KCNIP1: variants seen among roughly 807,000 people sequenced by gnomAD.
KCNIP1 encodes the protein potassium voltage-gated channel interacting protein 1, also known as A-type potassium channel modulatory protein KCNIP1.
Under a neutral mutation model 33.0 loss-of-function variants are expected in KCNIP1, and 18 were observed. The ratio of observed to expected loss-of-function variants is 0.55; its 90% CI spans 0.38 to 0.81. The LOEUF (loss-of-function observed/expected upper bound fraction) is 0.81, where lower values mean the gene tolerates loss of function less well. KCNIP1 is among the 30% of genes least tolerant of loss of function. The pLI is 0.00. For synonymous variants in KCNIP1, 93 were observed against 98.3 expected (o/e 0.95, Z 0.32); for missense variants, 238 against 271.6 (o/e 0.88, Z 0.87).
intron 1 of KCNIP1, among the ~76,000 whole-genome samples, chr5:170,411,464 G>C (rs1755187502): frequency 1.3e-5 from 2 of 152,196 alleles, no homozygotes; most frequent in Non-Finnish European, 2.9e-5. Flanking sequence ...GAGAGAGATT[G>C]TGTGTGTACA....
At chr5:170,566,158 T>C (rs1217508241) in intron 1 of KCNIP1, among the ~76,000 whole-genome samples, 1 of 151,770 alleles carries the variant, frequency 6.6e-6, no homozygotes, top group Non-Finnish European at 1.5e-5. Context: ...CCTCCCGGGT[T>C]CAAGCGATTC....
chr5:170,405,406 G>T (rs1755009707), intron 1 of KCNIP1, among the ~76,000 whole-genome samples: 1 of 152,156 alleles, frequency 6.6e-6, no homozygotes, highest in Non-Finnish European at 1.5e-5. Flanking sequence ...GTTTCGCCAG[G>T]TTAGCCAGGC....
At chr5:170,684,079 A>T (rs1280996695) in intron 1 of KCNIP1, among the ~76,000 whole-genome samples, 1 of 152,146 alleles carries the variant, frequency 6.6e-6, no homozygotes, top group Non-Finnish European at 1.5e-5. Flanking sequence ...ATAATTTTAG[A>T]ACAGTATACA....
Position 170,504,701 on chromosome 5 carries a change from G to A in KCNIP1, c.61+68G>A. On this transcript the variant is annotated intron_variant, in intron 1 of 7. Coordinates refer to ENST00000328939, the MANE Select transcript of KCNIP1 (RefSeq NM_014592.4). The surrounding 1 kb of genome is among the most constrained non-coding windows in gnomAD (Gnocchi z 6.0). Reference sequence around the variant, plus strand: ...GGTGCTAGGCGCCGAGGTGGGCTGTGCCACCTGCCTCCCTTAGTCCGGACT... The same window carrying A: ...GGTGCTAGGCGCCGAGGTGGGCTGTACCACCTGCCTCCCTTAGTCCGGACT... 1 of 1,287,208 alleles carries A rather than the reference G, an allele frequency of 7.8e-7. No individual in the cohort carries two copies. The highest frequency in any genetic ancestry group is 1.2e-5 in the South Asian group (1 of 84,656). The allele number at this position is 1,287,208 out of a possible 1,614,324, so 79.7% of individuals were successfully genotyped here. A position where few individuals can be genotyped will look rare whatever the true frequency, so the allele number is the denominator to read the frequency against.
intron 1 of KCNIP1, among the ~76,000 whole-genome samples, chr5:170,418,805 T>C (rs961019584): frequency 3.3e-5 from 5 of 152,210 alleles, no homozygotes; most frequent in Non-Finnish European, 5.9e-5. Context: ...CATTTCCAGG[T>C]GTCCCTCAAG....
intron 1 of KCNIP1, among the ~76,000 whole-genome samples, chr5:170,598,904 C>CGCGTGT (rs1412098474): frequency 1.1e-4 from 15 of 133,776 alleles, no homozygotes; most frequent in African/African-American, 4.3e-4. Flanking sequence ...TGTGTGTGCG[C>CGCGTGT]GTGTGTGTGT....
At chr5:170,577,132 C>T (rs1002853731) in intron 1 of KCNIP1, among the ~76,000 whole-genome samples, 8 of 152,154 alleles carry the variant, frequency 5.3e-5, no homozygotes, top group Non-Finnish European at 1.0e-4. Flanking sequence ...AAAGCCCTTC[C>T]GGCTAGCCCA....
chr5:170,504,718 G>A lies in KCNIP1; in HGVS notation c.61+85G>A, dbSNP rs192725047. ...TGGGCTGTGCCACCTGCCTCCCTTA[G>A]TCCGGACTCTCCTCTCCACGAGGAG... On this transcript the variant is annotated intron_variant, in intron 1 of 7. Coordinates refer to ENST00000328939, the MANE Select transcript of KCNIP1 (RefSeq NM_014592.4). This position sits in a 1 kb window ranked among gnomAD's most constrained non-coding sequence, Gnocchi z 6.0. The A allele has an allele frequency of 8.3e-5, 93 of 1,117,838 alleles. No individual in the cohort carries two copies. The East Asian group carries it at 2.1e-3, about 25-fold the overall frequency. 69.2% of individuals were successfully genotyped at this position (1,117,838 alleles called of 1,614,324 possible).
chr5:170,385,199 CCTG>C (rs1171760212), intron 1 of KCNIP1: 25 of 1,156,692 alleles, frequency 2.2e-5, no homozygotes, highest in Non-Finnish European at 2.9e-5. Flanking sequence ...TCGTCTTGAC[CCTG>C]CTGCCTTGAA....
chr5:170,730,797 T>C (rs1419292228), intron 5 of KCNIP1, among the ~76,000 whole-genome samples: 1 of 151,756 alleles, frequency 6.6e-6, no homozygotes, highest in Non-Finnish European at 1.5e-5. Flanking sequence ...AAATACAAGA[T>C]GAGCCTGGAG....
chr5:170,364,967 TG>T (rs1763617609), intron 1 of KCNIP1, among the ~76,000 whole-genome samples: 1 of 152,238 alleles, frequency 6.6e-6, no homozygotes, highest in African/African-American at 2.4e-5. Context: ...GTCTCCTTGC[TG>T]TGCATTACTC....
chr5:170,499,740 G>A (rs1274220094), upstream of KCNIP1, among the ~76,000 whole-genome samples: 1 of 152,180 alleles, frequency 6.6e-6, no homozygotes, highest in East Asian at 1.9e-4. Flanking sequence ...CAAAGAGGAA[G>A]AAAGGAGAGG....
Position 170,370,184 on chromosome 5 carries a change from A to G in KCNIP1, c.88+16220A>G, listed in dbSNP as rs554931468. The stretch of plus-strand genomic sequence containing the variant: ...TTGCTAGTAAGAAAAAGACGGCAGG[A>G]GGTAGTTCTCTGAGCCCAAATCGAA... On this transcript the variant is annotated intron_variant, in intron 1 of 7. Coordinates refer to the KCNIP1 transcript ENST00000377360. 1.5e-4 allele frequency among the ~76,000 whole-genome samples: 23 copies of G among 152,292 alleles called. No homozygotes were observed. The South Asian group carries it at 4.8e-3, about 32-fold the overall frequency.
At chr5:170,381,851 C>T (rs1764253857) in intron 1 of KCNIP1, among the ~76,000 whole-genome samples, 1 of 152,228 alleles carries the variant, frequency 6.6e-6, no homozygotes, top group African/African-American at 2.4e-5. Context: ...CTACTGAATG[C>T]CAACGCAGAG....
chr5:170,734,334 C>T (rs1022663586), intron 7 of KCNIP1, among the ~76,000 whole-genome samples: 2 of 152,202 alleles, frequency 1.3e-5, no homozygotes, highest in Non-Finnish European at 2.9e-5. Flanking sequence ...ATGCATATTT[C>T]CAGGCCTCAA....
chr5:170,693,401 A>G (rs1762789596), intron 1 of KCNIP1, among the ~76,000 whole-genome samples: 1 of 152,198 alleles, frequency 6.6e-6, no homozygotes, highest in South Asian at 2.1e-4. Context: ...TCTGCTGTGC[A>G]TCCTCTGTGT....
intron 1 of KCNIP1, among the ~76,000 whole-genome samples, chr5:170,534,375 G>A (rs574618443): frequency 1.1e-4 from 17 of 152,232 alleles, no homozygotes; most frequent in African/African-American, 3.9e-4. Flanking sequence ...GAGCAGGGTA[G>A]GTGGAGGCTG....
intron 1 of KCNIP1, among the ~76,000 whole-genome samples, chr5:170,481,427 C>T (rs1187473023): frequency 6.6e-6 from 1 of 152,138 alleles, no homozygotes. Flanking sequence ...GCTGTGTCCA[C>T]TGTTAGTGAC....
chr5:170,444,355 C>T (rs1756059620), intron 1 of KCNIP1, among the ~76,000 whole-genome samples: 2 of 152,198 alleles, frequency 1.3e-5, no homozygotes, highest in African/African-American at 4.8e-5. Context: ...GAGTCTTTCT[C>T]AGGCTGCTAC....
Sources: allele counts gnomAD v4.1 joint callset (sites outside exome capture counted in the v4.1 genomes callset), GRCh38; gene constraint gnomAD v4.1.1; non-coding constraint Gnocchi (gnomAD v3.1); transcripts MANE v1.5; gene names NCBI Gene and HGNC (gene_info 2026-07-23, HGNC 2026-07-21).